Variants in ZMPSTE24 observed in about 807,000 individuals in gnomAD.
The protein encoded by ZMPSTE24 is zinc metallopeptidase STE24, also known as CAAX prenyl protease 1 homolog.
Under a neutral mutation model 56.7 loss-of-function variants are expected in ZMPSTE24, and 48 were observed. That is an observed-to-expected ratio of 0.85 (90% CI 0.67 to 1.08). The LOEUF (loss-of-function observed/expected upper bound fraction) is 1.08. Among genes scored for constraint, ZMPSTE24 ranks in the 50% least tolerant of loss-of-function variants. The pLI is 0.00. For synonymous variants in ZMPSTE24, 172 were observed against 195.2 expected (o/e 0.88, Z 0.99); for missense variants, 503 against 548.7 (o/e 0.92, Z 0.83).
chr1:40,260,727 A>G, intron 1 of ZMPSTE24, 112 bp from the exon 2 acceptor site: 1 of 1,095,600 alleles, frequency 9.1e-7, no homozygotes. Context: ...GTAGGTATAA[A>G]GCAAATTCAA....
chr1:40,290,984 C>G lies in ZMPSTE24; in HGVS notation c.1190C>G (p.Ser397Ter). 1 of 1,613,866 alleles carries G rather than the reference C, an allele frequency of 6.2e-7. No homozygotes were observed. Among genetic ancestry groups the G allele is most frequent in the African/African-American group, 1.3e-5 (1 of 75,006 alleles). ...GLLIIFQFIFSPYNEVLSFCL... is the reference protein window; with the variant it reads ...GLLIIFQFIF ...TTGATCATCTTCCAGTTTATTTTTT[C>G]ACCTTACAATGAGGTAATGTATGAT... The change falls in exon 9 of 10, where the codon TCA (serine) becomes TGA (stop). Residue 397 changes from serine (S) to a stop codon, truncating the protein, a stop_gained. Transcript: ENST00000372759. LOFTEE classifies it high-confidence loss of function.
chr1:40,284,636 C>G (rs1324494627), intron 7 of ZMPSTE24, among the ~76,000 whole-genome samples: 2 of 152,082 alleles, frequency 1.3e-5, no homozygotes, highest in Non-Finnish European at 2.9e-5. Context: ...CCTGTAATCC[C>G]AGCTACTCAG....
At chr1:40,292,359 A>T in intron 9 of ZMPSTE24, 86 bp from the exon 10 acceptor site, 37 of 1,351,444 alleles carry the variant, frequency 2.7e-5, no homozygotes, top group Non-Finnish European at 3.9e-5. Context: ...TCCCAAGCCA[A>T]ACTTCTCTAC....
intron 7 of ZMPSTE24, among the ~76,000 whole-genome samples, chr1:40,285,571 T>C (rs1643778797): frequency 6.6e-6 from 1 of 152,230 alleles, no homozygotes; most frequent in Non-Finnish European, 1.5e-5. Context: ...TCTAATGATT[T>C]TGTAATATAA....
chr1:40,263,730 C>CTTTTTTTTTTTTTTTTTTTTTTGTT (rs1282418065), intron 2 of ZMPSTE24, among the ~76,000 whole-genome samples: 1 of 124,184 alleles, frequency 8.1e-6, no homozygotes, highest in African/African-American at 2.9e-5. Context: ...TTAGCTTCGA[C>CTTTTTTTTTTTTTTTTTTTTTTGTT]TTTTTTTTTT....
rs116496835 is a variant in ZMPSTE24, at chr1:40,286,005, A to G, written c.1035A>G (p.Thr345=). ...TGGGGCACTGGAAGTTGGGACATAC[A>G]GTCAAAAATATCATTATTAGCCAGG... ...HELGHWKLGH[T]VKNIIISQMN... is the part of the protein sequence containing the mutation. The change falls in exon 8 of 10, where the codon ACA becomes ACG. Residue 345 remains threonine, a synonymous_variant. Transcript: ENST00000372759. 85 of 1,613,986 alleles carry G rather than the reference A, an allele frequency of 5.3e-5. No homozygotes were observed. In the African/African-American group the frequency reaches 8.8e-4, roughly 17 times the overall value.
intron 6 of ZMPSTE24, among the ~76,000 whole-genome samples, chr1:40,275,724 C>G (rs1643663523): frequency 6.8e-6 from 1 of 147,040 alleles, no homozygotes; most frequent in Non-Finnish European, 1.5e-5. Flanking sequence ...TACACTCCAG[C>G]CTGGGCAACA....
In ZMPSTE24 at chr1:40,279,080, G is replaced by A. The variant is rs575596698; in HGVS notation, c.770-2263G>A. Among the ~76,000 whole-genome samples, 3 of 152,300 alleles carry A rather than the reference G, an allele frequency of 2.0e-5. No homozygotes were observed. The South Asian group carries it at 6.2e-4, about 32-fold the overall frequency. ...TGATTGAGCTCAGGAGGTCAAGGCT[G>A]CAGTGAGCCATGATTATGCCATTGC... On this transcript the variant is annotated intron_variant, in intron 6 of 9. Transcript: ENST00000372759.
At chr1:40,277,497 C>T (rs1374151235) in intron 6 of ZMPSTE24, among the ~76,000 whole-genome samples, 1 of 152,106 alleles carries the variant, frequency 6.6e-6, no homozygotes, top group East Asian at 1.9e-4. Flanking sequence ...CCAGTATCTA[C>T]TTCTAACAAG....
In ZMPSTE24 at chr1:40,286,189, C is replaced by T. The variant is rs193030106; in HGVS notation, c.1059+160C>T. 7.0e-4 allele frequency among the ~76,000 whole-genome samples: 106 copies of T among 152,282 alleles called. 1 individual carries two copies. Among genetic ancestry groups the T allele is most frequent in the African/African-American group, 2.4e-3 (99 of 41,564 alleles). ...GACTTACTACCTGTGTGACCTCAGGCAAGTTCCTTAACCTCTGCCTCTGTC... is the reference window on the plus strand; with the variant it reads ...GACTTACTACCTGTGTGACCTCAGGTAAGTTCCTTAACCTCTGCCTCTGTC... On this transcript the variant is annotated intron_variant, in intron 8 of 9. Transcript: ENST00000372759.
intron 6 of ZMPSTE24, among the ~76,000 whole-genome samples, chr1:40,278,695 GAACT>G (rs1225065333): frequency 1.3e-5 from 2 of 150,912 alleles, no homozygotes; most frequent in Non-Finnish European, 2.9e-5. Flanking sequence ...TAAATTGACA[GAACT>G]AATACATGGC....
Position 40,284,188 on chromosome 1 carries a change from G to A in ZMPSTE24, c.955-1737G>A, listed in dbSNP as rs1163307681. Among the ~76,000 whole-genome samples, 9 of 147,094 alleles carry A rather than the reference G, an allele frequency of 6.1e-5. No individual in the cohort carries two copies. In the Admixed American group the frequency reaches 6.3e-4, roughly 10 times the overall value. ...AGGCTGGTCTCAAACTCCTGACCTC[G>A]TGATCCACCTGCCTCAGCCTCCCAG... On this transcript the variant is annotated intron_variant, in intron 7 of 9. Coordinates refer to ENST00000372759, the MANE Select transcript of ZMPSTE24 (RefSeq NM_005857.5).
At chr1:40,267,750 T>C (rs1446349233) in intron 2 of ZMPSTE24, 36 bp from the exon 3 acceptor site, 1 of 1,424,964 alleles carries the variant, frequency 7.0e-7, no homozygotes, top group Admixed American at 1.7e-5. Flanking sequence ...TTTCTAGTAC[T>C]GTTCAACTGT....
chr1:40,278,212 TGA>T (rs1382980100), intron 6 of ZMPSTE24, among the ~76,000 whole-genome samples: 1 of 152,094 alleles, frequency 6.6e-6, no homozygotes, highest in African/African-American at 2.4e-5. Flanking sequence ...ATGTTTTTTG[TGA>T]GAGACTTCAA....
intron 5 of ZMPSTE24, 69 bp downstream of exon 5, chr1:40,270,196 G>A: frequency 1.3e-6 from 2 of 1,537,454 alleles, no homozygotes; most frequent in Non-Finnish European, 9.0e-7. Flanking sequence ...ATCTTCATTG[G>A]CATGTAAACA....
intron 7 of ZMPSTE24, among the ~76,000 whole-genome samples, chr1:40,282,733 T>G (rs1419404602): frequency 6.6e-6 from 1 of 152,192 alleles, no homozygotes; most frequent in Non-Finnish European, 1.5e-5. Flanking sequence ...GATAATTTTT[T>G]TGTTGTGGGA....
chr1:40,281,040 A>C (rs1643724103), intron 6 of ZMPSTE24, among the ~76,000 whole-genome samples: 1 of 152,082 alleles, frequency 6.6e-6, no homozygotes, highest in South Asian at 2.1e-4. Context: ...TGGAAGTATA[A>C]TTTTTTTCTG....
intron 7 of ZMPSTE24, among the ~76,000 whole-genome samples, chr1:40,282,477 ACT>A (rs201135734): frequency 0.01 from 1,522 of 152,182 alleles, 28 homozygotes; most frequent in African/African-American, 0.035. Context: ...TGTCTGTGTA[ACT>A]CTGTGCAAGT....
Position 40,286,047 on chromosome 1 carries a change from A to G in ZMPSTE24, c.1059+18A>G, listed in dbSNP as rs36215247. On this transcript the variant is annotated intron_variant, in intron 8 of 9. Transcript: ENST00000372759. ...TTAGCCAGGTAAGTGTGGAGTGACA[A>G]TTCTTTTTTTATGGCATGATAGTCA... 3.6e-4 allele frequency: 577 copies of G among 1,599,186 alleles called. 2 individuals are homozygous for G. The highest frequency in any genetic ancestry group is 2.0e-4 in the Non-Finnish European group (229 of 1,166,944).
Sources: allele counts gnomAD v4.1 joint callset (sites outside exome capture counted in the v4.1 genomes callset), GRCh38; gene constraint gnomAD v4.1.1; transcripts MANE v1.5; gene names NCBI Gene and HGNC (gene_info 2026-07-23, HGNC 2026-07-21).